UGDH: variants seen among roughly 807,000 people sequenced by gnomAD.
UGDH encodes the protein UDP-glucose 6-dehydrogenase, also known as UDP-Glc dehydrogenase.
A neutral mutation model predicts 50.6 loss-of-function variants in UGDH; 38 were observed. That is an observed-to-expected ratio of 0.75 (90% confidence interval 0.58 to 0.98). The LOEUF (loss-of-function observed/expected upper bound fraction) is 0.98, where lower values mean the gene tolerates loss of function less well. UGDH is among the 50% of genes least tolerant of loss of function. UGDH has a pLI of 0.00. For synonymous variants in UGDH, 168 were observed against 199.9 expected (o/e 0.84, Z 1.35); for missense variants, 465 against 606.2 (o/e 0.77, Z 2.45).
At chr4:39,518,755 G>C (rs1326238785) in intron 2 of UGDH, among the ~76,000 whole-genome samples, 1 of 152,008 alleles carries the variant, frequency 6.6e-6, no homozygotes, top group Non-Finnish European at 1.5e-5. Flanking sequence ...CACTGTGCCT[G>C]GCCTATATTT....
chr4:39,500,244 T>C lies in UGDH; in HGVS notation c.1384A>G (p.Ile462Val), dbSNP rs1048654784. ...LQTIGFQIET[I>V]GKKVSSKRIP... ...CTCTTTGAAGACACCTTTTTGCCAA[T>C]TGTTTCAATCTGAAAAAAAAATAAA... Residue 462 changes from isoleucine (I) to valine (V), a missense_variant, in exon 12 of 12, where the codon ATT becomes GTT. Ile to Val is a conservative substitution (Grantham distance 29). Coordinates refer to ENST00000316423, the MANE Select transcript of UGDH (RefSeq NM_003359.4). The C allele has an allele frequency of 6.3e-6, 10 of 1,585,382 alleles. No homozygotes were observed. Among genetic ancestry groups the C allele is most frequent in the Non-Finnish European group, 7.7e-6 (9 of 1,165,586 alleles).
At chr4:39,527,049 T>C in intron 1 of UGDH, 1 of 1,289,292 alleles carries the variant, frequency 7.8e-7, no homozygotes, top group Non-Finnish European at 1.0e-6. Context: ...GCTGGAAGAC[T>C]CACGAGTCTT....
At chr4:39,508,909 C>A (rs1746127500) in intron 6 of UGDH, among the ~76,000 whole-genome samples, 1 of 147,956 alleles carries the variant, frequency 6.8e-6, no homozygotes, top group Admixed American at 6.9e-5. Context: ...ATATTGTTTC[C>A]TTTTATCTCC....
chr4:39,527,215 TC>T, intron 1 of UGDH, 67 bp downstream of exon 1: 1 of 997,308 alleles, frequency 1.0e-6, no homozygotes, highest in African/African-American at 1.7e-5. Context: ...CCCCGCTCCC[TC>T]CACATCCCGC....
intron 1 of UGDH, chr4:39,527,038 G>C: frequency 7.8e-7 from 1 of 1,289,394 alleles, no homozygotes; most frequent in Non-Finnish European, 1.0e-6. Context: ...AAAGAGAAGG[G>C]GCTGGAAGAC....
chr4:39,513,951 C>T (rs1746345878), intron 3 of UGDH, 132 bp downstream of exon 3: 1 of 700,290 alleles, frequency 1.4e-6, no homozygotes. Flanking sequence ...AAGTGACAAC[C>T]AAAATTCACC....
chr4:39,506,699 T>C (rs565681090), intron 7 of UGDH, among the ~76,000 whole-genome samples: 1 of 152,342 alleles, frequency 6.6e-6, no homozygotes, highest in African/African-American at 2.4e-5. Flanking sequence ...TTTAAGGCTT[T>C]AAGCTTTCAG....
Position 39,500,027 on chromosome 4 carries a change from C to CAA in UGDH, c.*114_*115dup, listed in dbSNP as rs58175625. 15,848 of 473,322 alleles carry CAA rather than the reference C, an allele frequency of 0.033. No individual in the cohort carries two copies. Among genetic ancestry groups the CAA allele is most frequent in the East Asian group, 0.037 (1,000 of 27,198 alleles). The allele number at this position is 473,322 out of a possible 1,614,324, so 29.3% of individuals were successfully genotyped here. The stretch of plus-strand genomic sequence containing the variant: ...CCTGGGCAACAGTGAGACTCTGTCT[C>CAA]AAAAAAAAAACAAAAAAAAACACTT... On this transcript the variant is annotated 3_prime_UTR_variant, in exon 12 of 12. Coordinates refer to ENST00000316423, the MANE Select transcript of UGDH (RefSeq NM_003359.4).
chr4:39,509,634 A>G, intron 6 of UGDH, 126 bp downstream of exon 6: 1 of 1,121,636 alleles, frequency 8.9e-7, no homozygotes. Context: ...TAAAAAAGAA[A>G]ATAACAGCAT....
intron 7 of UGDH, among the ~76,000 whole-genome samples, chr4:39,508,320 A>G (rs1746105279): frequency 6.6e-6 from 1 of 152,164 alleles, no homozygotes; most frequent in South Asian, 2.1e-4. Flanking sequence ...TGGAGCCTCC[A>G]ACTCCTAGGC....
chr4:39,517,347 C>T lies in UGDH; in HGVS notation c.163-3163G>A, dbSNP rs1010185573. Among the ~76,000 whole-genome samples the T allele has an allele frequency of 5.9e-5, 9 of 151,702 alleles. No individual in the cohort carries two copies. The East Asian group carries it at 9.7e-4, about 16-fold the overall frequency. The stretch of plus-strand genomic sequence containing the variant: ...CCTCCCAAGTAGCTGGGATTACAGG[C>T]GCGAGCCACTACACCCATCTAATTT... On this transcript the variant is annotated intron_variant, in intron 2 of 11. Coordinates refer to ENST00000316423, the MANE Select transcript of UGDH (RefSeq NM_003359.4).
In UGDH at chr4:39,503,002, C is replaced by T. The variant is rs141841474; in HGVS notation, c.1374+873G>A. ...TGTGATCTTGGCTCACTGCAACCTC[C>T]GCCTCCCAGGTTTAAGCGATTCTCC... is the stretch of plus-strand genomic sequence containing the variant. On this transcript the variant is annotated intron_variant, in intron 11 of 11. Coordinates refer to ENST00000316423, the MANE Select transcript of UGDH (RefSeq NM_003359.4). Among the ~76,000 whole-genome samples, 607 of 152,226 alleles carry T rather than the reference C, an allele frequency of 4.0e-3. 4 individuals are homozygous for T. Among genetic ancestry groups the T allele is most frequent in the African/African-American group, 0.014 (572 of 41,536 alleles).
At chr4:39,525,809 C>T (rs1212299198) in intron 1 of UGDH, among the ~76,000 whole-genome samples, 1 of 152,194 alleles carries the variant, frequency 6.6e-6, no homozygotes, top group Non-Finnish European at 1.5e-5. Context: ...ACGCCCGGCC[C>T]CCATTTTCTA....
chr4:39,517,861 T>C lies in UGDH; in HGVS notation c.162+3490A>G, dbSNP rs192253396. Among the ~76,000 whole-genome samples, 160 of 152,356 alleles carry C rather than the reference T, an allele frequency of 1.1e-3. 3 individuals are homozygous for C. Among genetic ancestry groups the C allele is most frequent in the Non-Finnish European group, 2.5e-4 (17 of 68,036 alleles). The stretch of plus-strand genomic sequence containing the variant: ...ATTCTTAAGTGCAGGAGTAGTTTCA[T>C]TGATTTTCAACACAGTACAGTATTT... On this transcript the variant is annotated intron_variant, in intron 2 of 11. Transcript: ENST00000316423.
intron 1 of UGDH, among the ~76,000 whole-genome samples, chr4:39,526,772 G>A (rs1322394104): frequency 6.6e-6 from 1 of 152,106 alleles, no homozygotes; most frequent in Non-Finnish European, 1.5e-5. Flanking sequence ...AGGACATCCC[G>A]GACAGATATC....
rs1199000393 is a variant in UGDH, at chr4:39,510,414, T to C, written c.602A>G (p.His201Arg). The C allele has an allele frequency of 9.3e-6, 15 of 1,614,118 alleles. No homozygotes were observed. Among genetic ancestry groups the C allele is most frequent in the Non-Finnish European group, 1.3e-5 (15 of 1,180,058 alleles). Residue 201 changes from histidine to arginine, a missense_variant, in exon 5 of 12, where the codon CAC (histidine) becomes CGC (arginine). By Grantham distance (29) the His-to-Arg change is conservative (BLOSUM62 0). Transcript: ENST00000316423. ...GAGGATCTTTTCTCTGGGAACCCAG[T>C]GCTCATATACAGCACACAGGGCCTG... Reference protein sequence around the residue: ...AVQALCAVYEHWVPREKILTT... With the variant: ...AVQALCAVYERWVPREKILTT...
At chr4:39,516,215 C>T (rs529760385) in intron 2 of UGDH, among the ~76,000 whole-genome samples, 7 of 152,230 alleles carry the variant, frequency 4.6e-5, no homozygotes, top group South Asian at 2.1e-4. Flanking sequence ...GCCCAGGAGG[C>T]GGAGGTTGCA....
chr4:39,499,993 G>A lies in UGDH; in HGVS notation c.*150C>T, dbSNP rs1745728217. On this transcript the variant is annotated 3_prime_UTR_variant, in exon 12 of 12. Coordinates refer to ENST00000316423, the MANE Select transcript of UGDH (RefSeq NM_003359.4). ...TGCAGTGAGCCGAGATTGCACCACTGCACTCCAGCCTGGGCAACAGTGAGA... is the reference window on the plus strand; with the variant it reads ...TGCAGTGAGCCGAGATTGCACCACTACACTCCAGCCTGGGCAACAGTGAGA... 6.0e-6 allele frequency: 3 copies of A among 500,260 alleles called. No homozygotes were observed. The highest frequency in any genetic ancestry group is 2.0e-5 in the African/African-American group (1 of 50,290). The allele number at this position is 500,260 out of a possible 1,614,324, so 31.0% of individuals were successfully genotyped here. A position where few individuals can be genotyped will look rare whatever the true frequency, so the allele number is the denominator to read the frequency against.
chr4:39,527,321 CG>C lies in UGDH; in HGVS notation c.-47del. 3.5e-6 allele frequency: 1 copy of C among 289,506 alleles called. No individual in the cohort carries two copies. Among genetic ancestry groups the C allele is most frequent in the Non-Finnish European group, 7.0e-6 (1 of 142,372 alleles). 17.9% of individuals were successfully genotyped at this position (289,506 alleles called of 1,614,324 possible). On this transcript the variant is annotated 5_prime_UTR_variant, in exon 1 of 12. The change creates a new upstream start codon in the 5' untranslated region. Coordinates refer to ENST00000316423, the MANE Select transcript of UGDH (RefSeq NM_003359.4). ...GCAAGCGCAGGGACCGCTCCTATCCCGATCGTTCGGACAGCACCTTCCTACG... is the reference window on the plus strand; with the variant it reads ...GCAAGCGCAGGGACCGCTCCTATCCCATCGTTCGGACAGCACCTTCCTACG...
Sources: gnomAD v4.1 joint callset for allele counts (sites outside exome capture counted in the v4.1 genomes callset) on GRCh38, gnomAD v4.1.1 for gene constraint, MANE v1.5 for transcripts, NCBI Gene and HGNC (gene_info 2026-07-23, HGNC 2026-07-21) for gene names.